The following RAP1GAP2 variants were observed in gnomAD, a reference collection of about 807,000 sequenced individuals.
RAP1GAP2 encodes RAP1 GTPase activating protein 2, also known as rap1 GTPase-activating protein 2.
A neutral mutation model predicts 95.0 loss-of-function variants in RAP1GAP2; 27 were observed. The ratio of observed to expected loss-of-function variants is 0.28; its 90% CI spans 0.21 to 0.39. The LOEUF is 0.39. Among genes scored for constraint, RAP1GAP2 ranks in the 10% least tolerant of loss-of-function variants. The pLI, the probability that RAP1GAP2 is intolerant of heterozygous loss-of-function variation, is 1.00. For synonymous variants in RAP1GAP2, 373 were observed against 380.9 expected (o/e 0.98, Z 0.24); for missense variants, 771 against 970.0 (o/e 0.79, Z 2.72).
chr17:3,027,040 ACCCCGAT>A lies in RAP1GAP2; in HGVS notation c.2079_2085del (p.Pro694SerfsTer2), dbSNP rs1223500684. 1 of 1,577,058 alleles carries A rather than the reference ACCCCGAT, an allele frequency of 6.3e-7. No individual in the cohort carries two copies. On this transcript the variant is annotated frameshift_variant, in exon 22 of 25. Transcript: ENST00000254695. LOFTEE classifies it high-confidence loss of function. This position sits in a 1 kb window ranked among gnomAD's most constrained non-coding sequence, Gnocchi z 5.2. ...GAGCCCCAGCCTGGGGGCAGCTGCC[ACCCCGAT>A]CATCATGAGCCGGAGTCCCACAGGT...
intron 2 of RAP1GAP2, among the ~76,000 whole-genome samples, chr17:2,846,039 C>T (rs1359609276): frequency 2.6e-5 from 4 of 151,066 alleles, no homozygotes; most frequent in South Asian, 2.1e-4. Flanking sequence ...AAAAATTAGT[C>T]GAGCGTGGTA....
At chr17:2,978,892 G>A (rs1296236814) in intron 8 of RAP1GAP2, among the ~76,000 whole-genome samples, 10 of 151,804 alleles carry the variant, frequency 6.6e-5, no homozygotes, top group Non-Finnish European at 1.0e-4. Flanking sequence ...CCGAGATCAC[G>A]CCATTGCACT....
intron 8 of RAP1GAP2, among the ~76,000 whole-genome samples, chr17:2,969,155 AT>A (rs1278062398): frequency 1.0e-5 from 1 of 95,364 alleles, no homozygotes; most frequent in Non-Finnish European, 2.5e-5. Context: ...TTATATACAT[AT>A]TTTTCTTTAT....
Position 3,036,213 on chromosome 17 carries a change from G to A in RAP1GAP2, c.*2852G>A, listed in dbSNP as rs1303150616. On this transcript the variant is annotated 3_prime_UTR_variant, in exon 25 of 25. Transcript: ENST00000254695. ...CTTTGTCAGCATCATCTCAACACAA[G>A]CCTGCTGGCTCTTTTTAGCATCTCA... The A allele has an allele frequency of 2.6e-5, 4 of 152,202 alleles. No homozygotes were observed. Among genetic ancestry groups the A allele is most frequent in the Admixed American group, 2.0e-4 (3 of 15,276 alleles). The allele number at this position is 152,202 out of a possible 1,614,324, so 9.4% of individuals were successfully genotyped here. A position where few individuals can be genotyped will look rare whatever the true frequency, so the allele number is the denominator to read the frequency against.
intron 1 of RAP1GAP2, among the ~76,000 whole-genome samples, chr17:2,781,617 T>C (rs988037966): frequency 6.8e-6 from 1 of 148,054 alleles, no homozygotes; most frequent in African/African-American, 2.6e-5. Context: ...GGTCTCTGTG[T>C]GAGCACGTCT....
chr17:2,999,876 C>T (rs2046094917), intron 14 of RAP1GAP2, among the ~76,000 whole-genome samples: 1 of 152,164 alleles, frequency 6.6e-6, no homozygotes, highest in African/African-American at 2.4e-5. Context: ...TTCCTTCATG[C>T]CCAGGCTCAT....
At chr17:2,920,792 C>G (rs2042737192) in intron 3 of RAP1GAP2, among the ~76,000 whole-genome samples, 1 of 152,244 alleles carries the variant, frequency 6.6e-6, no homozygotes, top group Non-Finnish European at 1.5e-5. Flanking sequence ...CGCCCTTCTG[C>G]TCTGCCAACT....
At chr17:2,900,316 C>T (rs1423727561) in intron 2 of RAP1GAP2, among the ~76,000 whole-genome samples, 2 of 152,204 alleles carry the variant, frequency 1.3e-5, no homozygotes, top group African/African-American at 4.8e-5. Flanking sequence ...GCCTTGGACT[C>T]TTGCTTCTGT....
chr17:3,015,101 G>A (rs79510303), intron 17 of RAP1GAP2, among the ~76,000 whole-genome samples: 2,145 of 152,280 alleles, frequency 0.014, 63 homozygotes, highest in African/African-American at 0.049. Context: ...TGTTCAAAGG[G>A]TACATGGCTT....
intron 3 of RAP1GAP2, among the ~76,000 whole-genome samples, chr17:2,939,712 C>A (rs893719157): frequency 6.6e-6 from 1 of 152,200 alleles, no homozygotes; most frequent in Non-Finnish European, 1.5e-5. Flanking sequence ...GGAGGCTTCT[C>A]ACCCCTTTAC....
intron 11 of RAP1GAP2, among the ~76,000 whole-genome samples, chr17:2,986,089 C>T (rs2045549176): frequency 6.6e-6 from 1 of 152,086 alleles, no homozygotes; most frequent in Non-Finnish European, 1.5e-5. Context: ...AATGTTGGCC[C>T]TACTAATGGC....
chr17:3,015,905 A>T (rs534631791), intron 17 of RAP1GAP2, among the ~76,000 whole-genome samples: 1 of 152,270 alleles, frequency 6.6e-6, no homozygotes, highest in African/African-American at 2.4e-5. Flanking sequence ...TGTGTGAGCC[A>T]ACACAGTTGT....
At chr17:2,916,942 G>T (rs1422795915) in intron 3 of RAP1GAP2, among the ~76,000 whole-genome samples, 1 of 152,220 alleles carries the variant, frequency 6.6e-6, no homozygotes, top group Non-Finnish European at 1.5e-5. Context: ...TGCTAATAGG[G>T]TGCGAGCCAC....
At position 2,902,707 on chromosome 17, in the gene RAP1GAP2, C is replaced by T. The variant is rs777801593; in HGVS notation, c.81-2577C>T. 1.2e-3 allele frequency among the ~76,000 whole-genome samples: 176 copies of T among 152,238 alleles called. No individual in the cohort carries two copies. Among genetic ancestry groups the T allele is most frequent in the Non-Finnish European group, 2.0e-3 (133 of 68,024 alleles). ...TCTGGTCAGAAGCTGCCATGTGCTC[C>T]GACTTGAGAGTCTGCCTCGCTTCCT... On this transcript the variant is annotated intron_variant, in intron 2 of 24. Coordinates refer to ENST00000254695, the MANE Select transcript of RAP1GAP2 (RefSeq NM_015085.5). This position sits in a 1 kb window ranked among gnomAD's most constrained non-coding sequence, Gnocchi z 4.1.
Position 2,979,549 on chromosome 17 carries a change from C to G in RAP1GAP2, c.597-738C>G, listed in dbSNP as rs539265148. ...TGGCACAATCTCGGCTCACTGCAAC[C>G]CCCACTTCCTGGGTTCAAGCGATTC... is the stretch of plus-strand genomic sequence containing the variant. On this transcript the variant is annotated intron_variant, in intron 8 of 24. Transcript: ENST00000254695. 2.0e-5 allele frequency among the ~76,000 whole-genome samples: 3 copies of G among 151,420 alleles called. No individual in the cohort carries two copies. In the South Asian group the frequency reaches 6.3e-4, roughly 32 times the overall value.
rs185482041 is a variant in RAP1GAP2, at chr17:2,962,991, C to A, written c.246+277C>A. 1.8e-5 allele frequency: 10 copies of A among 549,284 alleles called. No individual in the cohort carries two copies. The East Asian group carries it at 3.1e-4, about 17-fold the overall frequency. The allele number at this position is 549,284 out of a possible 1,614,324, so 34.0% of individuals were successfully genotyped here. A position where few individuals can be genotyped will look rare whatever the true frequency, so the allele number is the denominator to read the frequency against. ...GGCCGTTTGGCCCGGCTCTTCCCTACCCTGTGCAGTGTGTAAGGGTGTCAG... is the reference window on the plus strand; with the variant it reads ...GGCCGTTTGGCCCGGCTCTTCCCTAACCTGTGCAGTGTGTAAGGGTGTCAG... On this transcript the variant is annotated intron_variant, in intron 5 of 24. Transcript: ENST00000254695.
At position 2,866,098 on chromosome 17, in the gene RAP1GAP2, C is replaced by A. The variant is rs2072601450; in HGVS notation, c.81-39186C>A. Among the ~76,000 whole-genome samples, 1 of 152,190 alleles carries A rather than the reference C, an allele frequency of 6.6e-6. No individual in the cohort carries two copies. The highest frequency in any genetic ancestry group is 2.4e-5 in the African/African-American group (1 of 41,444). ...GGAGGTCAGAAGAAAGGGGGACCGC[C>A]CAAGGAAGGCTGCCTGGAGTTGGTG... On this transcript the variant is annotated intron_variant, in intron 2 of 24. Coordinates refer to ENST00000254695, the MANE Select transcript of RAP1GAP2 (RefSeq NM_015085.5). This position sits in a 1 kb window ranked among gnomAD's most constrained non-coding sequence, Gnocchi z 4.0.
chr17:2,964,431 C>T, intron 7 of RAP1GAP2: 1 of 250,814 alleles, frequency 4.0e-6, no homozygotes, highest in South Asian at 4.3e-5. Context: ...TGGCCTCTTA[C>T]CTCCTTCCTA....
chr17:2,798,608 T>C (rs1022549806), intron 1 of RAP1GAP2, among the ~76,000 whole-genome samples: 1 of 114,798 alleles, frequency 8.7e-6, no homozygotes, highest in Non-Finnish European at 1.6e-5. Flanking sequence ...GGATGCAGGG[T>C]GGATAACCTC....
Sources: gnomAD v4.1 joint callset for allele counts (sites outside exome capture counted in the v4.1 genomes callset) on GRCh38, gnomAD v4.1.1 for gene constraint, Gnocchi (gnomAD v3.1) non-coding constraint, MANE v1.5 for transcripts, NCBI Gene and HGNC (gene_info 2026-07-23, HGNC 2026-07-21) for gene names.